Variants in PRXL2A observed in about 807,000 individuals in gnomAD.
PRXL2A encodes peroxiredoxin-like 2A.
A neutral mutation model predicts 25.6 loss-of-function variants in PRXL2A; 26 were observed. That is an observed-to-expected ratio of 1.02 (90% CI 0.74 to 1.41). The LOEUF (loss-of-function observed/expected upper bound fraction) is 1.41. PRXL2A is among the 40% of genes most tolerant of loss of function. The probability of loss-of-function intolerance (pLI) is 0.00; values close to 1 mark genes in which losing one functional copy is unlikely to be tolerated. For synonymous variants in PRXL2A, 98 were observed against 102.9 expected, an observed-to-expected ratio of 0.95 and a Z score of 0.29; for missense variants, 246 against 273.9, an observed-to-expected ratio of 0.90 and a Z score of 0.72.
intron 2 of PRXL2A, among the ~76,000 whole-genome samples, chr10:80,421,875 A>G (rs1175361710): frequency 1.3e-5 from 2 of 152,180 alleles, no homozygotes; most frequent in Admixed American, 6.5e-5. Context: ...AGCAAAAATA[A>G]CTTGCCCAGA....
chr10:80,428,635 C>T (rs1289984906), intron 5 of PRXL2A, among the ~76,000 whole-genome samples: 1 of 152,074 alleles, frequency 6.6e-6, no homozygotes, highest in South Asian at 2.1e-4. Context: ...TGCCACTGAA[C>T]TCCAGCCTAG....
At chr10:80,431,280 G>C (rs1291647779) in intron 5 of PRXL2A, among the ~76,000 whole-genome samples, 2 of 147,820 alleles carry the variant, frequency 1.4e-5, no homozygotes, top group African/African-American at 5.1e-5. Flanking sequence ...AATCTCTGCA[G>C]TGTGGTGGGC....
intron 1 of PRXL2A, chr10:80,409,012 G>T (rs984663441): frequency 1.0e-6 from 1 of 984,978 alleles, no homozygotes; most frequent in Non-Finnish European, 1.2e-6. Flanking sequence ...AAGAACAGAG[G>T]AGAGGGCCCT....
At chr10:80,424,763 A>G (rs1444272932) in intron 3 of PRXL2A, among the ~76,000 whole-genome samples, 1 of 152,202 alleles carries the variant, frequency 6.6e-6, no homozygotes, top group East Asian at 1.9e-4. Context: ...TAGGAGGCTG[A>G]GGCGTGAGAA....
intron 5 of PRXL2A, among the ~76,000 whole-genome samples, chr10:80,428,327 A>C (rs1481218481): frequency 1.3e-5 from 2 of 152,206 alleles, no homozygotes; most frequent in African/African-American, 4.8e-5. Flanking sequence ...GGGCAGTGTC[A>C]GCAGAGGCCA....
chr10:80,418,039 T>TA (rs1844730156), intron 1 of PRXL2A, among the ~76,000 whole-genome samples: 1 of 151,578 alleles, frequency 6.6e-6, no homozygotes, highest in Non-Finnish European at 1.5e-5. Flanking sequence ...TTTTTTTTTT[T>TA]AATTATTTTA....
chr10:80,408,970 G>A (rs561016075), intron 1 of PRXL2A: 176 of 937,262 alleles, frequency 1.9e-4, no homozygotes, highest in Non-Finnish European at 2.2e-4. Context: ...GAGTGACGCC[G>A]GTGGCGCCAA....
chr10:80,430,818 C>T (rs574247507), intron 5 of PRXL2A, among the ~76,000 whole-genome samples: 118 of 152,226 alleles, frequency 7.8e-4, no homozygotes, highest in Non-Finnish European at 1.4e-3. Context: ...ACTAGATGTT[C>T]TTTTTTCATT....
chr10:80,415,613 T>C (rs991812223), intron 1 of PRXL2A, among the ~76,000 whole-genome samples: 4 of 152,272 alleles, frequency 2.6e-5, no homozygotes, highest in Non-Finnish European at 5.9e-5. Flanking sequence ...CTGCCTCACC[T>C]TCCCACTTGA....
In PRXL2A at chr10:80,433,330, G is replaced by T. The variant is rs1021598067; in HGVS notation, c.*1231G>T. The T allele has an allele frequency of 6.6e-6, 1 of 152,288 alleles. No individual in the cohort carries two copies. Among genetic ancestry groups the T allele is most frequent in the East Asian group, 1.9e-4 (1 of 5,188 alleles). The allele number at this position is 152,288 out of a possible 1,614,324, so 9.4% of individuals were successfully genotyped here. A position where few individuals can be genotyped will look rare whatever the true frequency, so the allele number is the denominator to read the frequency against. On this transcript the variant is annotated 3_prime_UTR_variant, in exon 6 of 6. Transcript: ENST00000606162. Reference sequence around the variant, plus strand: ...TTATCTTTTTTGTTTGAATTTTGTCGTGTAAGTTTGAGTGACATCATCAAG... The same window carrying T: ...TTATCTTTTTTGTTTGAATTTTGTCTTGTAAGTTTGAGTGACATCATCAAG...
chr10:80,428,242 C>T (rs1429989170), intron 5 of PRXL2A, among the ~76,000 whole-genome samples: 1 of 152,100 alleles, frequency 6.6e-6, no homozygotes, highest in Non-Finnish European at 1.5e-5. Context: ...TCTCTATAGG[C>T]CCAAGAGCCA....
intron 1 of PRXL2A, among the ~76,000 whole-genome samples, chr10:80,415,185 A>G (rs1220847181): frequency 6.6e-6 from 1 of 152,164 alleles, no homozygotes; most frequent in East Asian, 1.9e-4. Flanking sequence ...CCTGATGCTC[A>G]CCACTGGTCC....
chr10:80,422,325 G>C lies in PRXL2A; in HGVS notation c.179-92G>C, dbSNP rs149517055. On this transcript the variant is annotated intron_variant, in intron 2 of 5. Coordinates refer to ENST00000606162, the MANE Select transcript of PRXL2A (RefSeq NM_032333.5). ...AGGTCCTCTACTAGGCCGGGTCTCT[G>C]ACCTTGGCTGGACTTAGTGTGGTTC... 9.1e-4 allele frequency: 901 copies of C among 995,552 alleles called. 8 individuals are homozygous for C. The African/African-American group carries it at 0.011, about 13-fold the overall frequency. 61.7% of individuals were successfully genotyped at this position (995,552 alleles called of 1,614,324 possible).
intron 5 of PRXL2A, 93 bp downstream of exon 5, chr10:80,427,589 T>A (rs745692046): frequency 7.0e-5 from 95 of 1,358,470 alleles, no homozygotes; most frequent in Non-Finnish European, 9.3e-5. Flanking sequence ...TGACTTTCCC[T>A]GTTTTGGGTC....
In PRXL2A at chr10:80,433,526, G is replaced by GTCT. The variant is rs1371400829; in HGVS notation, c.*1427_*1428insTCT. 2 of 152,574 alleles carry GTCT rather than the reference G, an allele frequency of 1.3e-5. No individual in the cohort carries two copies. The allele number at this position is 152,574 out of a possible 1,614,324, so 9.5% of individuals were successfully genotyped here. ...AAAGCAAGAATGGATACTGATGTTG[G>GTCT]AGGTAAAGCTGGGAAAGTAGGAGAG... On this transcript the variant is annotated 3_prime_UTR_variant, in exon 6 of 6. Transcript: ENST00000606162.
rs1133838 is a variant in PRXL2A at position 80,437,002 on chromosome 10, A to G, written c.*4903A>G. The G allele has an allele frequency of 0.088, 13,358 of 152,270 alleles. 879 individuals carry two copies. The highest frequency in any genetic ancestry group is 0.18 in the African/African-American group (7,424 of 41,552). 9.4% of individuals were successfully genotyped at this position (152,270 alleles called of 1,614,324 possible). On this transcript the variant is annotated 3_prime_UTR_variant, in exon 6 of 6. Coordinates refer to ENST00000606162, the MANE Select transcript of PRXL2A (RefSeq NM_032333.5). ...CAATCATATTTCTACACAGTCCATA[A>G]TCTGTTGAACCTAAACATAAAAATG...
intron 5 of PRXL2A, 49 bp downstream of exon 5, chr10:80,427,545 G>C: frequency 6.3e-7 from 1 of 1,589,368 alleles, no homozygotes; most frequent in Admixed American, 1.7e-5. Flanking sequence ...GTGTCTGTGA[G>C]TGTGAGACTC....
chr10:80,409,456 T>C (rs1307937551), intron 1 of PRXL2A, among the ~76,000 whole-genome samples: 1 of 152,238 alleles, frequency 6.6e-6, no homozygotes, highest in Non-Finnish European at 1.5e-5. Flanking sequence ...TGCCACATCA[T>C]GCTGTCTGCA....
At chr10:80,411,012 G>A (rs940201792) in intron 1 of PRXL2A, among the ~76,000 whole-genome samples, 3 of 152,190 alleles carry the variant, frequency 2.0e-5, no homozygotes, top group Admixed American at 6.5e-5. Flanking sequence ...GTAGGACTGG[G>A]CCAGAACCAG....
Sources: gnomAD v4.1 joint callset for allele counts (sites outside exome capture counted in the v4.1 genomes callset) on GRCh38, gnomAD v4.1.1 for gene constraint, MANE v1.5 for transcripts, NCBI Gene and HGNC (gene_info 2026-07-23, HGNC 2026-07-21) for gene names.